The following CENPO variants were observed in gnomAD, a reference collection of about 807,000 sequenced individuals.
The protein encoded by CENPO is centromere protein O.
A neutral mutation model predicts 36.1 loss-of-function variants in CENPO; 30 were observed. The ratio of observed to expected loss-of-function variants is 0.83; its 90% CI spans 0.62 to 1.13. The LOEUF (loss-of-function observed/expected upper bound fraction) is 1.13, where lower values mean the gene tolerates loss of function less well. Ranked by LOEUF, CENPO falls within the 50% of genes most tolerant of loss-of-function variation. CENPO has a pLI of 0.00. For synonymous variants in CENPO, 171 were observed against 142.3 expected (o/e 1.20, Z -1.44); for missense variants, 349 against 357.8 (o/e 0.98, Z 0.20).
intron 2 of CENPO, among the ~76,000 whole-genome samples, chr2:24,797,036 G>A (rs766857956): frequency 3.9e-5 from 6 of 152,226 alleles, no homozygotes; most frequent in African/African-American, 1.4e-4. Flanking sequence ...TGGATGACAC[G>A]ATCCAGTTTA....
Position 24,821,391 on chromosome 2 carries a change from G to A in CENPO, c.*2073G>A, listed in dbSNP as rs1015114683. ...GGTCTTTCAGGTCTCCTTGCCCTGTGAGTGCGTGAACCTCCCCACCCGAAT... is the reference window on the plus strand; with the variant it reads ...GGTCTTTCAGGTCTCCTTGCCCTGTAAGTGCGTGAACCTCCCCACCCGAAT... On this transcript the variant is annotated 3_prime_UTR_variant, in exon 8 of 8. Coordinates refer to ENST00000380834, the MANE Select transcript of CENPO (RefSeq NM_001322101.2). 22 of 1,375,594 alleles carry A rather than the reference G, an allele frequency of 1.6e-5. No homozygotes were observed. The African/African-American group carries it at 2.3e-4, about 14-fold the overall frequency. The allele number at this position is 1,375,594 out of a possible 1,614,324, so 85.2% of individuals were successfully genotyped here.
At chr2:24,806,108 A>G (rs1238914297) in intron 3 of CENPO, among the ~76,000 whole-genome samples, 1 of 152,336 alleles carries the variant, frequency 6.6e-6, no homozygotes, top group African/African-American at 2.4e-5. Flanking sequence ...CTGTGGGCGT[A>G]GGACCCTCTG....
chr2:24,821,045 C>CCA lies in CENPO; in HGVS notation c.*1729_*1730dup, dbSNP rs1421537492. 2.3e-4 allele frequency: 163 copies of CCA among 705,286 alleles called. No individual in the cohort carries two copies. The highest frequency in any genetic ancestry group is 3.0e-4 in the Non-Finnish European group (134 of 452,716). 43.7% of individuals were successfully genotyped at this position (705,286 alleles called of 1,614,324 possible). On this transcript the variant is annotated 3_prime_UTR_variant, in exon 8 of 8. Transcript: ENST00000380834. ...CCGTGTGCTTGTTAGGTGTCAGCCG[C>CCA]CACCCCCCCCCCATATGCAGATTTA...
chr2:24,798,456 A>G (rs1666012688), intron 2 of CENPO, among the ~76,000 whole-genome samples: 1 of 152,072 alleles, frequency 6.6e-6, no homozygotes, highest in Non-Finnish European at 1.5e-5. Flanking sequence ...GTCTGTTTCT[A>G]TTTGATCTCA....
rs774308755 is a variant in CENPO at position 24,817,693 on chromosome 2, T to C, written c.790T>C (p.Trp264Arg). ...CQGVEVLSTS[W>R]EEQRASHETL... ...AGGAGTGGAAGTATTATCCACTTCA[T>C]GGGAGGAGCAACGAGCATCTCATGA... Residue 264 changes from tryptophan to arginine, a missense_variant, in exon 7 of 8, where the codon TGG (tryptophan) becomes CGG (arginine). By Grantham distance (101) the Trp-to-Arg change is moderately radical. Transcript: ENST00000380834. 40 of 1,614,122 alleles carry C rather than the reference T, an allele frequency of 2.5e-5. No homozygotes were observed. In the Admixed American group the frequency reaches 2.8e-4, roughly 11 times the overall value.
At chr2:24,816,327 A>G (rs1032836888) in intron 5 of CENPO, 3 of 249,222 alleles carry the variant, frequency 1.2e-5, no homozygotes, top group Non-Finnish European at 2.3e-5. Flanking sequence ...CTGTAGATTT[A>G]ACTTAAATTG....
chr2:24,803,164 C>T (rs1048693129), intron 3 of CENPO, among the ~76,000 whole-genome samples: 9 of 150,686 alleles, frequency 6.0e-5, no homozygotes, highest in Non-Finnish European at 7.4e-5. Flanking sequence ...TCTGTGGGAT[C>T]GGTGGTGATA....
intron 3 of CENPO, among the ~76,000 whole-genome samples, chr2:24,801,123 T>G (rs1454871218): frequency 6.6e-6 from 1 of 152,278 alleles, no homozygotes; most frequent in Non-Finnish European, 1.5e-5. Context: ...CAGAAATGTC[T>G]TCTTTTGAGA....
chr2:24,810,271 T>C (rs1414687551), intron 3 of CENPO, among the ~76,000 whole-genome samples: 1 of 152,072 alleles, frequency 6.6e-6, no homozygotes, highest in Non-Finnish European at 1.5e-5. Flanking sequence ...TAATTAAACT[T>C]CTTGCCTTAA....
chr2:24,795,462 C>A (rs533097475), intron 2 of CENPO, among the ~76,000 whole-genome samples: 75 of 152,204 alleles, frequency 4.9e-4, no homozygotes, highest in African/African-American at 1.7e-3. Context: ...CCAGCAGATA[C>A]ACTCCCTCTT....
chr2:24,800,828 T>C (rs1666127733), intron 3 of CENPO, among the ~76,000 whole-genome samples: 1 of 152,204 alleles, frequency 6.6e-6, no homozygotes, highest in Admixed American at 6.5e-5. Context: ...TTATAATCCT[T>C]TGGATATATA....
chr2:24,820,337 C>G lies in CENPO; in HGVS notation c.*1019C>G. On this transcript the variant is annotated 3_prime_UTR_variant, in exon 8 of 8. Coordinates refer to ENST00000380834, the MANE Select transcript of CENPO (RefSeq NM_001322101.2). ...CTGGGGGCCTCCTCTCATCCAGAGACTTCTCTCCTAGGATGGCCATGGTCA... is the reference window on the plus strand; with the variant it reads ...CTGGGGGCCTCCTCTCATCCAGAGAGTTCTCTCCTAGGATGGCCATGGTCA... The G allele has an allele frequency of 3.0e-6, 4 of 1,331,600 alleles. No individual in the cohort carries two copies. The highest frequency in any genetic ancestry group is 3.0e-5 in the East Asian group (1 of 33,688). The allele number at this position is 1,331,600 out of a possible 1,614,324, so 82.5% of individuals were successfully genotyped here.
Position 24,814,861 on chromosome 2 carries a change from G to A in CENPO, c.334+368G>A, listed in dbSNP as rs372915528. ...CAAGTCTCCGTTTCACCGTAAATAG[G>A]GATTTATTCTCCCATCTATGCCACA... is the stretch of plus-strand genomic sequence containing the variant. On this transcript the variant is annotated intron_variant, in intron 4 of 7. Coordinates refer to ENST00000380834, the MANE Select transcript of CENPO (RefSeq NM_001322101.2). 9.7e-4 allele frequency: 190 copies of A among 195,140 alleles called. 1 individual carries two copies. The highest frequency in any genetic ancestry group is 1.5e-3 in the Non-Finnish European group (144 of 94,300). The allele number at this position is 195,140 out of a possible 1,614,324, so 12.1% of individuals were successfully genotyped here. A position where few individuals can be genotyped will look rare whatever the true frequency, so the allele number is the denominator to read the frequency against.
chr2:24,815,825 G>GT (rs777393299), intron 5 of CENPO, 69 bp downstream of exon 5: 463 of 1,440,580 alleles, frequency 3.2e-4, no homozygotes, highest in South Asian at 1.4e-3. Context: ...GATGTTTTTT[G>GT]TATTTTCAGT....
intron 3 of CENPO, among the ~76,000 whole-genome samples, chr2:24,812,287 T>A (rs1032429760): frequency 2.0e-5 from 3 of 152,208 alleles, no homozygotes; most frequent in Admixed American, 1.3e-4. Flanking sequence ...TTGGCCTTAT[T>A]AGTCAGGTGT....
intron 5 of CENPO, chr2:24,816,033 A>G: frequency 4.6e-6 from 2 of 430,670 alleles, no homozygotes; most frequent in South Asian, 4.9e-5. Context: ...TGCAGTTGCT[A>G]TACTTTTGAT....
intron 3 of CENPO, among the ~76,000 whole-genome samples, chr2:24,807,094 T>C (rs1666439540): frequency 6.6e-6 from 1 of 152,214 alleles, no homozygotes; most frequent in Non-Finnish European, 1.5e-5. Context: ...CAACCCTTCA[T>C]TGCCCATTGG....
At position 24,820,462 on chromosome 2, in the gene CENPO, T is replaced by C; in HGVS notation, c.*1144T>C. The C allele has an allele frequency of 7.4e-7, 1 of 1,343,354 alleles. No homozygotes were observed. 83.2% of individuals were successfully genotyped at this position (1,343,354 alleles called of 1,614,324 possible). A position where few individuals can be genotyped will look rare whatever the true frequency, so the allele number is the denominator to read the frequency against. The stretch of plus-strand genomic sequence containing the variant: ...TTCTGCCAGACGCCACTGAGACAGA[T>C]CACAAGGTATTAGAAGGTTCATACC... On this transcript the variant is annotated 3_prime_UTR_variant, in exon 8 of 8. Coordinates refer to ENST00000380834, the MANE Select transcript of CENPO (RefSeq NM_001322101.2).
At position 24,822,329 on chromosome 2, in the gene CENPO, T is replaced by C. The variant is rs1667891625; in HGVS notation, c.*3011T>C. On this transcript the variant is annotated 3_prime_UTR_variant, in exon 8 of 8. Transcript: ENST00000380834. The stretch of plus-strand genomic sequence containing the variant: ...AGCAGGGGGTTGTGTGTCTGTTCTG[T>C]TTCTCTGCTTGCCGAACTTTCTCAA... 2.3e-6 allele frequency: 2 copies of C among 856,290 alleles called. No homozygotes were observed. The highest frequency in any genetic ancestry group is 3.5e-6 in the Non-Finnish European group (2 of 565,304). The allele number at this position is 856,290 out of a possible 1,614,324, so 53.0% of individuals were successfully genotyped here. A position where few individuals can be genotyped will look rare whatever the true frequency, so the allele number is the denominator to read the frequency against.
Sources: gnomAD v4.1 joint callset for allele counts (sites outside exome capture counted in the v4.1 genomes callset) on GRCh38, gnomAD v4.1.1 for gene constraint, MANE v1.5 for transcripts, NCBI Gene and HGNC (gene_info 2026-07-23, HGNC 2026-07-21) for gene names.